CDKL1: variants seen among roughly 807,000 people sequenced by gnomAD.
CDKL1 encodes cyclin-dependent kinase-like 1.
CDKL1 carries 41 observed loss-of-function variants against 42.0 expected under a neutral mutation model. That is an observed-to-expected ratio of 0.98 (90% CI 0.76 to 1.27). The LOEUF (loss-of-function observed/expected upper bound fraction) is 1.27, where lower values mean the gene tolerates loss of function less well. Ranked by LOEUF, CDKL1 falls within the 50% of genes most tolerant of loss-of-function variation. The pLI is 0.00. For missense variants in CDKL1, 394 were observed against 428.4 expected, an observed-to-expected ratio of 0.92 and a Z score of 0.71; for synonymous variants, 153 against 158.6, an observed-to-expected ratio of 0.96 and a Z score of 0.26.
intron 2 of CDKL1, among the ~76,000 whole-genome samples, chr14:50,376,995 G>A (rs747416369): frequency 1.2e-4 from 18 of 152,206 alleles, no homozygotes; most frequent in Non-Finnish European, 1.5e-4. Flanking sequence ...TTGGGAAAAC[G>A]TTCCAAGCAG....
rs534245101 is a variant in CDKL1, at chr14:50,362,420, G to A, written c.169-3271C>T. 2.1e-5 allele frequency: 5 copies of A among 233,378 alleles called. No homozygotes were observed. In the East Asian group the frequency reaches 5.1e-4, roughly 24 times the overall value. 14.5% of individuals were successfully genotyped at this position (233,378 alleles called of 1,614,324 possible). On this transcript the variant is annotated intron_variant, in intron 2 of 9. Transcript: ENST00000395834. ...CTAAGGGATTGTAAATACACCAATCGGCACTCTGTATCTTGTTCAAGGTTT... is the reference window on the plus strand; with the variant it reads ...CTAAGGGATTGTAAATACACCAATCAGCACTCTGTATCTTGTTCAAGGTTT...
At chr14:50,335,554 A>T (rs1272476014) in intron 7 of CDKL1, 1 of 1,536,122 alleles carries the variant, frequency 6.5e-7, no homozygotes, top group South Asian at 1.2e-5. Flanking sequence ...GACAATCAGG[A>T]ATAACACTAT....
intron 3 of CDKL1, among the ~76,000 whole-genome samples, chr14:50,357,716 C>T (rs114258593): frequency 8.3e-4 from 126 of 152,292 alleles, no homozygotes; most frequent in African/African-American, 2.9e-3. Flanking sequence ...CTGAGCCAAT[C>T]GGAGTTCCAC....
intron 9 of CDKL1, chr14:50,331,754 G>T (rs1177968706): frequency 1.8e-5 from 8 of 436,026 alleles, no homozygotes; most frequent in Non-Finnish European, 3.2e-5. Context: ...CCAGTGTGCA[G>T]TTTGGATGCT....
chr14:50,361,044 C>A (rs941487926), intron 2 of CDKL1, among the ~76,000 whole-genome samples: 2 of 152,070 alleles, frequency 1.3e-5, no homozygotes, highest in African/African-American at 4.8e-5. Flanking sequence ...ACTTTCAATT[C>A]TTTTGGTTGT....
chr14:50,339,030 C>T lies in CDKL1; in HGVS notation c.656-1G>A. The T allele has an allele frequency of 3.1e-6, 5 of 1,601,612 alleles. No homozygotes were observed. The highest frequency in any genetic ancestry group is 4.3e-6 in the Non-Finnish European group (5 of 1,168,626). On this transcript the variant is annotated splice_acceptor_variant, in intron 6 of 9. Transcript: ENST00000395834. LOFTEE classifies it high-confidence loss of function. ...TGCTGGTGCCTAGGAATGAGATCCC[C>T]TTTGGACAAGAAAAGAAAAAGGTAA...
chr14:50,342,069 C>A (rs950699341), intron 5 of CDKL1, 63 bp downstream of exon 5: 2 of 1,257,802 alleles, frequency 1.6e-6, no homozygotes, highest in African/African-American at 3.0e-5. Context: ...GCATTTAGAT[C>A]CTTTGTTGTA....
At chr14:50,368,898 G>A (rs200059866) in intron 2 of CDKL1, among the ~76,000 whole-genome samples, 8 of 135,724 alleles carry the variant, frequency 5.9e-5, no homozygotes, top group Non-Finnish European at 1.1e-4. Context: ...ATGGAGTCTC[G>A]CTCTGTCACC....
chr14:50,387,024 C>T (rs961806703), intron 2 of CDKL1, among the ~76,000 whole-genome samples: 4 of 63,234 alleles, frequency 6.3e-5, no homozygotes, highest in African/African-American at 2.8e-4. Flanking sequence ...GAGACTCCGT[C>T]TCAAAAAGAA....
chr14:50,382,346 G>A (rs1345921517), intron 2 of CDKL1, among the ~76,000 whole-genome samples: 3 of 152,112 alleles, frequency 2.0e-5, no homozygotes, highest in African/African-American at 7.2e-5. Flanking sequence ...CCAGCCACTC[G>A]GGAGGCTGAG....
chr14:50,383,414 G>A (rs2034979527), intron 2 of CDKL1, among the ~76,000 whole-genome samples: 1 of 151,938 alleles, frequency 6.6e-6, no homozygotes, highest in African/African-American at 2.4e-5. Context: ...GCTGGACATG[G>A]TGACGTGTGC....
Position 50,352,286 on chromosome 14 carries a change from C to T in CDKL1, c.290+6742G>A, listed in dbSNP as rs1192312577. On this transcript the variant is annotated intron_variant, in intron 3 of 9. Coordinates refer to ENST00000395834, the MANE Select transcript of CDKL1 (RefSeq NM_004196.7). ...CCTTATATGTTTGATAGAATTCATA[C>T]ATCAAATATTTTAATAATAGAGCCT... is the stretch of plus-strand genomic sequence containing the variant. 3.3e-5 allele frequency among the ~76,000 whole-genome samples: 5 copies of T among 152,006 alleles called. 1 individual carries two copies. Among genetic ancestry groups the T allele is most frequent in the Admixed American group, 6.6e-5 (1 of 15,264 alleles).
At position 50,396,064 on chromosome 14, in the gene CDKL1, T is replaced by G; in HGVS notation, c.-196A>C. 9.2e-7 allele frequency: 1 copy of G among 1,085,876 alleles called. No homozygotes were observed. Among genetic ancestry groups the G allele is most frequent in the Non-Finnish European group, 1.2e-6 (1 of 813,382 alleles). 67.3% of individuals were successfully genotyped at this position (1,085,876 alleles called of 1,614,324 possible). A position where few individuals can be genotyped will look rare whatever the true frequency, so the allele number is the denominator to read the frequency against. ...AGCCGGGTGTGGTGATGGGCGCCCG[T>G]AGTCCCAGCAACTCAGGAGACTGAG... On this transcript the variant is annotated 5_prime_UTR_variant, in exon 2 of 10. Transcript: ENST00000395834.
chr14:50,341,307 G>T, intron 5 of CDKL1, 75 bp from the exon 6 acceptor site: 1 of 1,494,036 alleles, frequency 6.7e-7, no homozygotes, highest in Non-Finnish European at 8.9e-7. Context: ...GATCTCAGAA[G>T]TCAAGCCTGT....
At chr14:50,394,680 A>G (rs1272418401) in intron 2 of CDKL1, among the ~76,000 whole-genome samples, 1 of 152,232 alleles carries the variant, frequency 6.6e-6, no homozygotes, top group Admixed American at 6.5e-5. Context: ...GACCTCCACC[A>G]TATTCATTAC....
intron 2 of CDKL1, among the ~76,000 whole-genome samples, chr14:50,371,961 G>T (rs944495894): frequency 6.6e-6 from 1 of 152,216 alleles, no homozygotes; most frequent in African/African-American, 2.4e-5. Context: ...ATGCTGACAC[G>T]CCAGCCCCCT....
intron 2 of CDKL1, among the ~76,000 whole-genome samples, chr14:50,392,432 T>G (rs1395463304): frequency 2.7e-5 from 4 of 148,628 alleles, no homozygotes; most frequent in African/African-American, 1.0e-4. Flanking sequence ...GGTAGCAGAG[T>G]GAGACTGTCT....
At chr14:50,364,723 G>A (rs1231640552) in intron 2 of CDKL1, among the ~76,000 whole-genome samples, 1 of 152,152 alleles carries the variant, frequency 6.6e-6, no homozygotes, top group Non-Finnish European at 1.5e-5. Flanking sequence ...ACATACAACA[G>A]GGTCAGGTAA....
chr14:50,358,454 G>A (rs2034126288), intron 3 of CDKL1, among the ~76,000 whole-genome samples: 1 of 152,038 alleles, frequency 6.6e-6, no homozygotes, highest in Non-Finnish European at 1.5e-5. Flanking sequence ...CTTAGAGACT[G>A]AGATCACTTC....
Sources: allele counts gnomAD v4.1 joint callset (sites outside exome capture counted in the v4.1 genomes callset), GRCh38; gene constraint gnomAD v4.1.1; transcripts MANE v1.5; gene names NCBI Gene and HGNC (gene_info 2026-07-23, HGNC 2026-07-21).